EPB41L3: variants seen among roughly 807,000 people sequenced by gnomAD.
EPB41L3 encodes erythrocyte membrane protein band 4.1 like 3.
Under a neutral mutation model 127.1 loss-of-function variants are expected in EPB41L3, and 57 were observed. The observed-to-expected ratio is 0.45, with a 90% CI of 0.36 to 0.56. The LOEUF (loss-of-function observed/expected upper bound fraction) is 0.56. Ranked by LOEUF, EPB41L3 falls within the 20% of genes least tolerant of loss-of-function variation. EPB41L3 has a pLI of 0.00. For missense variants in EPB41L3, 1,273 were observed against 1,372.2 expected, an observed-to-expected ratio of 0.93 and a Z score of 1.14; for synonymous variants, 572 against 549.5, an observed-to-expected ratio of 1.04 and a Z score of -0.57.
intron 3 of EPB41L3, among the ~76,000 whole-genome samples, chr18:5,462,473 T>C (rs1476587400): frequency 6.6e-6 from 1 of 152,204 alleles, no homozygotes; most frequent in Non-Finnish European, 1.5e-5. Flanking sequence ...TAGAAAATTA[T>C]ATCAGGATGC....
chr18:5,444,020 C>T (rs760340045), intron 4 of EPB41L3, 140 bp from the exon 5 acceptor site: 3 of 659,230 alleles, frequency 4.6e-6, no homozygotes, highest in African/African-American at 1.8e-5. Flanking sequence ...CCTTCCCCCA[C>T]ATCTGGTGCC....
At position 5,419,871 on chromosome 18, in the gene EPB41L3, C is replaced by A. The variant is rs754128977; in HGVS notation, c.1346G>T (p.Gly449Val). ...TTTTGTTGTGGCGTACTGGCCAGTA[C>A]CAACCTCTGCAGCAGACATAGAATC... ...TMSRSLDGEV[G>V]TGQYATTKGI... The change falls in exon 12 of 23, where the codon GGT (glycine) becomes GTT (valine). Residue 449 changes from glycine (G) to valine (V), a missense_variant. By Grantham distance (109) the Gly-to-Val change is moderately radical. Coordinates refer to ENST00000341928, the MANE Select transcript of EPB41L3 (RefSeq NM_012307.5). 2.5e-6 allele frequency: 4 copies of A among 1,614,044 alleles called. No individual in the cohort carries two copies. The highest frequency in any genetic ancestry group is 3.4e-6 in the Non-Finnish European group (4 of 1,180,048).
chr18:5,524,137 G>A (rs2093123724), intron 1 of EPB41L3, among the ~76,000 whole-genome samples: 1 of 151,740 alleles, frequency 6.6e-6, no homozygotes, highest in Non-Finnish European at 1.5e-5. Context: ...ACTTTTCTCT[G>A]GTCATACAGA....
intron 3 of EPB41L3, chr18:5,577,362 T>C (rs1366046599): frequency 2.2e-6 from 1 of 454,108 alleles, no homozygotes; most frequent in South Asian, 1.6e-5. Flanking sequence ...TGAGCACAGA[T>C]AGAGACAGAT....
At chr18:5,534,851 G>C (rs1326906093) in intron 1 of EPB41L3, among the ~76,000 whole-genome samples, 1 of 152,020 alleles carries the variant, frequency 6.6e-6, no homozygotes, top group African/African-American at 2.4e-5. Flanking sequence ...GTTCACTCTG[G>C]GGAACCTTGC....
At position 5,562,244 on chromosome 18, in the gene EPB41L3, G is replaced by A. The variant is rs573657154; in HGVS notation, c.-306+50096C>T. Among the ~76,000 whole-genome samples, 3 of 152,252 alleles carry A rather than the reference G, an allele frequency of 2.0e-5. No homozygotes were observed. The South Asian group carries it at 6.2e-4, about 32-fold the overall frequency. ...GGATAGCTGAATGTGGTATATATAG[G>A]AACTCTGTGCTGAGTTTATAACTCC... On this transcript the variant is annotated intron_variant, in intron 3 of 21. Coordinates refer to the EPB41L3 transcript ENST00000545076.
intron 1 of EPB41L3, among the ~76,000 whole-genome samples, chr18:5,535,151 T>A (rs993818247): frequency 6.6e-6 from 1 of 152,122 alleles, no homozygotes; most frequent in Non-Finnish European, 1.5e-5. Flanking sequence ...AATCTGATGA[T>A]GTGAAGTGGA....
At chr18:5,452,589 A>T (rs2082427214) in intron 3 of EPB41L3, among the ~76,000 whole-genome samples, 2 of 152,158 alleles carry the variant, frequency 1.3e-5, no homozygotes, top group South Asian at 4.1e-4. Context: ...CAGGCTTAAA[A>T]TCTGAAGACA....
At chr18:5,434,259 A>G (rs2079415915) in intron 6 of EPB41L3, 138 bp from the exon 7 acceptor site, 2 of 644,316 alleles carry the variant, frequency 3.1e-6, no homozygotes, top group South Asian at 1.9e-5. Flanking sequence ...GCGTCTATAT[A>G]TTTTGATATT....
At chr18:5,582,403 C>T (rs1184828157) in intron 3 of EPB41L3, among the ~76,000 whole-genome samples, 1 of 152,134 alleles carries the variant, frequency 6.6e-6, no homozygotes, top group Non-Finnish European at 1.5e-5. Flanking sequence ...TTGGCAGCTG[C>T]CTCAAGGCTG....
intron 1 of EPB41L3, among the ~76,000 whole-genome samples, chr18:5,522,560 G>T (rs1457458220): frequency 6.6e-6 from 1 of 152,102 alleles, no homozygotes; most frequent in Non-Finnish European, 1.5e-5. Context: ...ACAGCCTGTA[G>T]AAATTTCATC....
At chr18:5,515,448 C>G (rs985944382) in intron 1 of EPB41L3, among the ~76,000 whole-genome samples, 4 of 152,138 alleles carry the variant, frequency 2.6e-5, no homozygotes, top group Non-Finnish European at 4.4e-5. Flanking sequence ...GGAATTGAGT[C>G]TAAGCATAAA....
chr18:5,393,179 T>C lies in EPB41L3; in HGVS notation c.*306A>G, dbSNP rs896570836. 3.0e-4 allele frequency: 101 copies of C among 340,450 alleles called. No homozygotes were observed. Among genetic ancestry groups the C allele is most frequent in the African/African-American group, 1.9e-3 (90 of 47,210 alleles). The allele number at this position is 340,450 out of a possible 1,614,324, so 21.1% of individuals were successfully genotyped here. ...TACATGAGACCACGGTTTATATTGT[T>C]GGTTATGAACGTGCAGGTATAGCTG... On this transcript the variant is annotated 3_prime_UTR_variant, in exon 23 of 23. Coordinates refer to ENST00000341928, the MANE Select transcript of EPB41L3 (RefSeq NM_012307.5).
At chr18:5,576,900 T>A (rs544537170) in intron 3 of EPB41L3, among the ~76,000 whole-genome samples, 1 of 152,340 alleles carries the variant, frequency 6.6e-6, no homozygotes, top group African/African-American at 2.4e-5. Context: ...GCATTCACAC[T>A]TTTAACCATC....
chr18:5,535,004 C>A (rs961171788), intron 1 of EPB41L3, among the ~76,000 whole-genome samples: 1 of 152,068 alleles, frequency 6.6e-6, no homozygotes, highest in Non-Finnish European at 1.5e-5. Context: ...TGGTGGTGAG[C>A]GGTGGGTGAG....
At chr18:5,513,877 G>C (rs781261082) in intron 1 of EPB41L3, among the ~76,000 whole-genome samples, 1 of 152,064 alleles carries the variant, frequency 6.6e-6, no homozygotes, top group Non-Finnish European at 1.5e-5. Context: ...GCTCATCCAG[G>C]ACAGAAAATC....
chr18:5,456,731 C>T (rs2083136768), intron 3 of EPB41L3, among the ~76,000 whole-genome samples: 1 of 152,228 alleles, frequency 6.6e-6, no homozygotes, highest in Non-Finnish European at 1.5e-5. Context: ...TAACATTCCT[C>T]TATCAGGGCA....
chr18:5,423,851 T>C (rs1307390675), intron 10 of EPB41L3, among the ~76,000 whole-genome samples: 2 of 152,152 alleles, frequency 1.3e-5, no homozygotes, highest in African/African-American at 2.4e-5. Flanking sequence ...AGTTTGATAT[T>C]AGTGAAGAAG....
intron 1 of EPB41L3, among the ~76,000 whole-genome samples, chr18:5,617,322 T>A (rs1043093687): frequency 4.9e-5 from 3 of 61,040 alleles, no homozygotes; most frequent in African/African-American, 2.8e-4. Context: ...TTATTATTAT[T>A]TTTTTTTTTT....
Sources: gnomAD v4.1 joint callset for allele counts (sites outside exome capture counted in the v4.1 genomes callset) on GRCh38, gnomAD v4.1.1 for gene constraint, MANE v1.5 for transcripts, NCBI Gene and HGNC (gene_info 2026-07-23, HGNC 2026-07-21) for gene names.